The following MBNL1 variants were observed in gnomAD, a reference collection of about 807,000 sequenced individuals.
The protein encoded by MBNL1 is muscleblind like splicing regulator 1.
Under a neutral mutation model 42.2 loss-of-function variants are expected in MBNL1, and 8 were observed. That is an observed-to-expected ratio of 0.19 (90% CI 0.11 to 0.34). MBNL1 has a LOEUF of 0.34. Among genes scored for constraint, MBNL1 ranks in the 10% least tolerant of loss-of-function variants. The pLI is 1.00. For missense variants in MBNL1, 309 were observed against 495.3 expected, an observed-to-expected ratio of 0.62 and a Z score of 3.57; for synonymous variants, 169 against 173.9, an observed-to-expected ratio of 0.97 and a Z score of 0.22.
Position 152,289,040 on chromosome 3 carries a change from T to C in MBNL1, c.-789-10365T>C, listed in dbSNP as rs528343085. On this transcript the variant is annotated intron_variant, in intron 1 of 9. Transcript: ENST00000324210. ...TAGGCTTAACAAATATAGAAAAATA[T>C]GTTATTGACTCTTGGTGGAAGTACA... Among the ~76,000 whole-genome samples the C allele has an allele frequency of 1.6e-3, 246 of 152,240 alleles. 2 individuals are homozygous for C. Among genetic ancestry groups the C allele is most frequent in the Non-Finnish European group, 3.1e-3 (211 of 67,954 alleles).
chr3:152,362,956 A>G (rs1294248492), intron 2 of MBNL1, among the ~76,000 whole-genome samples: 2 of 152,164 alleles, frequency 1.3e-5, no homozygotes, highest in Non-Finnish European at 2.9e-5. Flanking sequence ...GATCCATGCA[A>G]TTGGCTAAAT....
chr3:152,260,791 G>A (rs1389718536), intron 2 of MBNL1, among the ~76,000 whole-genome samples: 1 of 152,062 alleles, frequency 6.6e-6, no homozygotes, highest in African/African-American at 2.4e-5. Flanking sequence ...ATGCTTACCC[G>A]GCATAAAGTG....
intron 3 of MBNL1, among the ~76,000 whole-genome samples, chr3:152,430,764 T>G (rs1275720206): frequency 1.3e-5 from 2 of 152,184 alleles, no homozygotes; most frequent in African/African-American, 4.8e-5. Context: ...AGGCCCTAGT[T>G]TCTGACAGCT....
intron 2 of MBNL1, among the ~76,000 whole-genome samples, chr3:152,389,157 C>T (rs943269587): frequency 2.6e-5 from 4 of 151,902 alleles, no homozygotes; most frequent in African/African-American, 7.3e-5. Context: ...GGCGTGATCT[C>T]GGCTCACCAC....
intron 2 of MBNL1, chr3:152,338,404 TC>T: frequency 1.0e-6 from 1 of 985,372 alleles, no homozygotes; most frequent in Non-Finnish European, 1.2e-6. Flanking sequence ...GGAATATTCC[TC>T]CCCCTGCTGC....
intron 4 of MBNL1, among the ~76,000 whole-genome samples, chr3:152,434,976 C>A (rs2099058669): frequency 6.6e-6 from 1 of 151,988 alleles, no homozygotes; most frequent in Non-Finnish European, 1.5e-5. Context: ...TAAATATTTT[C>A]TCCCATTCTG....
intron 2 of MBNL1, among the ~76,000 whole-genome samples, chr3:152,259,164 C>G (rs1329247205): frequency 6.6e-6 from 1 of 152,112 alleles, no homozygotes; most frequent in African/African-American, 2.4e-5. Flanking sequence ...GACTAAATGA[C>G]AAGTAGGAAA....
intron 2 of MBNL1, among the ~76,000 whole-genome samples, chr3:152,350,064 A>G (rs1208483251): frequency 6.6e-6 from 1 of 152,152 alleles, no homozygotes; most frequent in Non-Finnish European, 1.5e-5. Flanking sequence ...GTACAGTAAG[A>G]AGAAGGAATC....
At chr3:152,380,757 C>T (rs977354522) in intron 2 of MBNL1, among the ~76,000 whole-genome samples, 5 of 151,832 alleles carry the variant, frequency 3.3e-5, no homozygotes, top group Admixed American at 6.6e-5. Context: ...CTTCTGATTA[C>T]GTATTTCAAA....
chr3:152,263,475 T>G (rs2036651833), upstream of MBNL1: 3 of 152,170 alleles, frequency 2.0e-5, 1 homozygote, highest in South Asian at 6.2e-4. Flanking sequence ...TTATGGCTTC[T>G]CTTCAACTCT....
intron 2 of MBNL1, among the ~76,000 whole-genome samples, chr3:152,355,911 A>G (rs150186014): frequency 6.6e-6 from 1 of 152,334 alleles, no homozygotes; most frequent in East Asian, 1.9e-4. Flanking sequence ...TATCATGTGC[A>G]ACATGTGTTG....
At chr3:152,422,367 A>G (rs941338805) in intron 3 of MBNL1, among the ~76,000 whole-genome samples, 1 of 152,172 alleles carries the variant, frequency 6.6e-6, no homozygotes, top group Non-Finnish European at 1.5e-5. Flanking sequence ...GCATTACATA[A>G]TGGTAAAGGG....
chr3:152,322,372 A>G (rs1560139577), intron 2 of MBNL1, among the ~76,000 whole-genome samples: 1 of 152,130 alleles, frequency 6.6e-6, no homozygotes, highest in Non-Finnish European at 1.5e-5. Flanking sequence ...AACACAAACT[A>G]TTAGACTAAT....
At chr3:152,250,281 C>A (rs1351697256) in intron 2 of MBNL1, among the ~76,000 whole-genome samples, 3 of 151,610 alleles carry the variant, frequency 2.0e-5, no homozygotes, top group African/African-American at 7.3e-5. Flanking sequence ...TGTTTGTATC[C>A]TCTTTTATTT....
intron 3 of MBNL1, among the ~76,000 whole-genome samples, chr3:152,424,573 A>G (rs902756739): frequency 2.0e-5 from 3 of 152,076 alleles, no homozygotes; most frequent in Non-Finnish European, 4.4e-5. Context: ...GAAAAAAAAA[A>G]AAACTACTTT....
intron 2 of MBNL1, among the ~76,000 whole-genome samples, chr3:152,381,151 G>C (rs2097163946): frequency 6.6e-6 from 1 of 151,956 alleles, no homozygotes; most frequent in African/African-American, 2.4e-5. Context: ...TTATATAAAA[G>C]GCAGCTCTAA....
intron 2 of MBNL1, among the ~76,000 whole-genome samples, chr3:152,322,762 TAGTTAA>T (rs2077184018): frequency 6.6e-6 from 1 of 152,058 alleles, no homozygotes; most frequent in Non-Finnish European, 1.5e-5. Flanking sequence ...TAGAAATCAA[TAGTTAA>T]ATTGACCTAA....
intron 2 of MBNL1, among the ~76,000 whole-genome samples, chr3:152,366,404 T>A (rs1467904401): frequency 6.6e-6 from 1 of 152,176 alleles, no homozygotes. Context: ...CCATTTGTCT[T>A]CTTATTTTGC....
chr3:152,284,878 T>C (rs1484317879), intron 1 of MBNL1, among the ~76,000 whole-genome samples: 1 of 152,128 alleles, frequency 6.6e-6, no homozygotes, highest in Non-Finnish European at 1.5e-5. Flanking sequence ...AAAATCATGC[T>C]CAAAGACCAC....
Sources: allele counts gnomAD v4.1 joint callset (sites outside exome capture counted in the v4.1 genomes callset), GRCh38; gene constraint gnomAD v4.1.1; transcripts MANE v1.5; gene names NCBI Gene and HGNC (gene_info 2026-07-23, HGNC 2026-07-21).